The following DAZAP1 variants were observed in gnomAD, a reference collection of about 807,000 sequenced individuals.
The protein encoded by DAZAP1 is DAZ-associated protein 1.
DAZAP1 carries 6 observed loss-of-function variants against 60.1 expected under a neutral mutation model. The observed-to-expected ratio is 0.10, with a 90% CI of 0.05 to 0.20. DAZAP1 has a LOEUF of 0.20. Ranked by LOEUF, DAZAP1 falls within the 10% of genes least tolerant of loss-of-function variation. The probability of loss-of-function intolerance (pLI) is 1.00; values close to 1 mark genes in which losing one functional copy is unlikely to be tolerated. For synonymous variants in DAZAP1, 235 were observed against 215.9 expected, an observed-to-expected ratio of 1.09 and a Z score of -0.78; for missense variants, 366 against 560.4, an observed-to-expected ratio of 0.65 and a Z score of 3.50.
At position 1,433,007 on chromosome 19, in the gene DAZAP1, G is replaced by A. The variant is rs2083493186; in HGVS notation, c.1048+317G>A. The A allele has an allele frequency of 9.3e-6, 3 of 322,308 alleles. No homozygotes were observed. Among genetic ancestry groups the A allele is most frequent in the Non-Finnish European group, 1.7e-5 (3 of 173,714 alleles). The allele number at this position is 322,308 out of a possible 1,614,324, so 20.0% of individuals were successfully genotyped here. A position where few individuals can be genotyped will look rare whatever the true frequency, so the allele number is the denominator to read the frequency against. On this transcript the variant is annotated intron_variant, in intron 11 of 11. Transcript: ENST00000233078. The surrounding 1 kb of genome is among the most constrained non-coding windows in gnomAD (Gnocchi z 6.1). Reference sequence around the variant, plus strand: ...AGGCAGCTGTGATCACTGTCTAGAGGTTCAGGCCCTCGGTGTGGGTCCCGG... The same window carrying A: ...AGGCAGCTGTGATCACTGTCTAGAGATTCAGGCCCTCGGTGTGGGTCCCGG...
chr19:1,429,826 T>C lies in DAZAP1; in HGVS notation c.701-141T>C, dbSNP rs528799738. On this transcript the variant is annotated intron_variant, in intron 8 of 11. Transcript: ENST00000233078. ...TCTCTGCTCAGGGTTCAGAGGGCTC[T>C]GCCCTCAGGACGAACAGGCTCTAAG... The C allele has an allele frequency of 1.2e-5, 12 of 973,542 alleles. No homozygotes were observed. The African/African-American group carries it at 1.6e-4, about 13-fold the overall frequency. 60.3% of individuals were successfully genotyped at this position (973,542 alleles called of 1,614,324 possible).
At position 1,425,420 on chromosome 19, in the gene DAZAP1, C is replaced by T. The variant is rs544885086; in HGVS notation, c.464-458C>T. ...TAAGATGGCGCATTCCACGCGGGCC[C>T]CCGGCCTGCAGGGTTCACTGGCAAT... On this transcript the variant is annotated intron_variant, in intron 6 of 11. Transcript: ENST00000233078. This position sits in a 1 kb window ranked among gnomAD's most constrained non-coding sequence, Gnocchi z 5.4. Among the ~76,000 whole-genome samples, 3 of 152,340 alleles carry T rather than the reference C, an allele frequency of 2.0e-5. No individual in the cohort carries two copies. The highest frequency in any genetic ancestry group is 7.2e-5 in the African/African-American group (3 of 41,590).
At position 1,432,591 on chromosome 19, in the gene DAZAP1, G is replaced by C. The variant is rs1249902268; in HGVS notation, c.949G>C (p.Gly317Arg). ...PGVPPPPATP[G>R]AAPLAFPPPP... is the part of the protein sequence containing the mutation. ...GGTTCCTCCTCCACCAGCCACTCCC[G>C]GGGCAGCACCTCTGGCTTTCCCACC... Residue 317 changes from glycine to arginine, a missense_variant, in exon 11 of 12, where the codon GGG (glycine) becomes CGG (arginine). Coordinates refer to ENST00000233078, the MANE Select transcript of DAZAP1 (RefSeq NM_018959.4). The surrounding 1 kb of genome is among the most constrained non-coding windows in gnomAD (Gnocchi z 4.9). 1.2e-6 allele frequency: 2 copies of C among 1,613,566 alleles called. No homozygotes were observed. The highest frequency in any genetic ancestry group is 1.7e-5 in the Admixed American group (1 of 60,002).
At position 1,434,070 on chromosome 19, in the gene DAZAP1, G is replaced by T. The variant is rs776622220; in HGVS notation, c.1049-667G>T. On this transcript the variant is annotated intron_variant, in intron 11 of 11. Coordinates refer to ENST00000233078, the MANE Select transcript of DAZAP1 (RefSeq NM_018959.4). This position sits in a 1 kb window ranked among gnomAD's most constrained non-coding sequence, Gnocchi z 8.0. ...CCAGAGGTCGTGGGAGGGGCTTCCT[G>T]CAAGGTGTGCAGCGGGGTGGGGAGC... 24 of 559,464 alleles carry T rather than the reference G, an allele frequency of 4.3e-5. No homozygotes were observed. The highest frequency in any genetic ancestry group is 6.4e-5 in the Non-Finnish European group (20 of 311,702). 34.7% of individuals were successfully genotyped at this position (559,464 alleles called of 1,614,324 possible). A position where few individuals can be genotyped will look rare whatever the true frequency, so the allele number is the denominator to read the frequency against.
chr19:1,410,676 A>C (rs1032012874), intron 1 of DAZAP1, among the ~76,000 whole-genome samples: 2 of 152,202 alleles, frequency 1.3e-5, no homozygotes, highest in South Asian at 2.1e-4. Flanking sequence ...TGTCAGGGAT[A>C]GGGCCCATGC....
At chr19:1,407,939 T>G in intron 1 of DAZAP1, 137 bp downstream of exon 1, 2 of 786,726 alleles carry the variant, frequency 2.5e-6, no homozygotes, top group South Asian at 1.1e-4. Flanking sequence ...GGACCCGGAC[T>G]CGCCGCGGCT....
In DAZAP1 at chr19:1,432,699, T is replaced by G; in HGVS notation, c.1048+9T>G. Reference sequence around the variant, plus strand: ...CCCCTATGGTCAGTATGGTAAGTGGTCTCCTGCCATGCCGCGTCCCCGCTG... The same window carrying G: ...CCCCTATGGTCAGTATGGTAAGTGGGCTCCTGCCATGCCGCGTCCCCGCTG... On this transcript the variant is annotated intron_variant, in intron 11 of 11. Transcript: ENST00000233078. This position sits in a 1 kb window ranked among gnomAD's most constrained non-coding sequence, Gnocchi z 4.9. The G allele has an allele frequency of 6.3e-7, 1 of 1,581,496 alleles. No homozygotes were observed. Among genetic ancestry groups the G allele is most frequent in the Non-Finnish European group, 8.6e-7 (1 of 1,161,256 alleles).
intron 1 of DAZAP1, among the ~76,000 whole-genome samples, chr19:1,413,215 C>T (rs781730403): frequency 2.0e-5 from 3 of 152,230 alleles, no homozygotes; most frequent in African/African-American, 7.2e-5. Flanking sequence ...AGCAAGCCCA[C>T]GAGAGCCAGC....
intron 1 of DAZAP1, among the ~76,000 whole-genome samples, chr19:1,415,389 GTTT>G (rs111300304): frequency 3.4e-4 from 44 of 127,564 alleles, no homozygotes; most frequent in African/African-American, 2.1e-4. Flanking sequence ...GTGTGTGTGT[GTTT>G]TGTTTTTTTT....
chr19:1,412,185 A>AC (rs1342003229), intron 1 of DAZAP1, among the ~76,000 whole-genome samples: 4 of 151,774 alleles, frequency 2.6e-5, no homozygotes, highest in African/African-American at 4.8e-5. Context: ...TGTTCTGTGG[A>AC]CCCCACACCC....
rs987090338 is a variant in DAZAP1 at position 1,413,703 on chromosome 19, G to A, written c.30-3797G>A. On this transcript the variant is annotated intron_variant, in intron 1 of 11. Transcript: ENST00000233078. ...TGTCATCCTAGCACTTTGGGAGGCC[G>A]AGGCGGGCGGGTCACCTGCGGTGGG... Among the ~76,000 whole-genome samples, 6 of 152,218 alleles carry A rather than the reference G, an allele frequency of 3.9e-5. No homozygotes were observed. The South Asian group carries it at 8.3e-4, about 21-fold the overall frequency.
At chr19:1,407,826 G>T in intron 1 of DAZAP1, 24 bp downstream of exon 1, 1 of 1,067,606 alleles carries the variant, frequency 9.4e-7, no homozygotes, top group Non-Finnish European at 1.1e-6. Context: ...GCGCGGGCCT[G>T]CGTCTCCGCC....
At chr19:1,415,580 C>T (rs2082958764) in intron 1 of DAZAP1, among the ~76,000 whole-genome samples, 1 of 151,266 alleles carries the variant, frequency 6.6e-6, no homozygotes, top group Non-Finnish European at 1.5e-5. Flanking sequence ...CCTGACTCAG[C>T]GCGGGCACAG....
At chr19:1,410,774 C>T (rs888735767) in intron 1 of DAZAP1, among the ~76,000 whole-genome samples, 26 of 152,326 alleles carry the variant, frequency 1.7e-4, no homozygotes, top group African/African-American at 4.6e-4. Flanking sequence ...AGGCAGCACA[C>T]GGTCATGGAA....
chr19:1,417,439 A>ATGG (rs2083019475), intron 1 of DAZAP1, 61 bp from the exon 2 acceptor site: 11 of 1,553,790 alleles, frequency 7.1e-6, no homozygotes, highest in Non-Finnish European at 9.6e-6. Flanking sequence ...CTTGGCTTGG[A>ATGG]TGGGGGCATT....
chr19:1,420,635 C>G (rs2083129899), intron 4 of DAZAP1, among the ~76,000 whole-genome samples: 1 of 152,156 alleles, frequency 6.6e-6, no homozygotes, highest in Admixed American at 6.5e-5. Context: ...AGCAGGCGCC[C>G]TTGCCAGTGG....
At chr19:1,421,982 G>A (rs1669443556) in intron 5 of DAZAP1, among the ~76,000 whole-genome samples, 1 of 152,228 alleles carries the variant, frequency 6.6e-6, no homozygotes, top group Admixed American at 6.5e-5. Flanking sequence ...CCCGCGTTTG[G>A]GTGGGAAGGG....
At chr19:1,424,717 C>T (rs868204888) in intron 6 of DAZAP1, among the ~76,000 whole-genome samples, 1 of 152,164 alleles carries the variant, frequency 6.6e-6, no homozygotes, top group Non-Finnish European at 1.5e-5. Context: ...TGCCTTGTCA[C>T]GCACCCTGTG....
In DAZAP1 at chr19:1,430,232, A is replaced by T. The variant is rs1210090343; in HGVS notation, c.741A>T (p.Gly247=). 2 of 1,575,404 alleles carry T rather than the reference A, an allele frequency of 1.3e-6. No individual in the cohort carries two copies. Among genetic ancestry groups the T allele is most frequent in the Non-Finnish European group, 1.7e-6 (2 of 1,161,176 alleles). The change falls in exon 10 of 12, where the codon GGA becomes GGT. Residue 247 remains glycine, a synonymous_variant. Coordinates refer to ENST00000233078, the MANE Select transcript of DAZAP1 (RefSeq NM_018959.4). ...VPAGQAIGGY[G]PPPAGRGAPP... ...TACTGTGTGTTTCAGGTGGCTATGG[A>T]CCGCCCCCTGCAGGAAGAGGAGCCC...
Sources: gnomAD v4.1 joint callset for allele counts (sites outside exome capture counted in the v4.1 genomes callset) on GRCh38, gnomAD v4.1.1 for gene constraint, Gnocchi (gnomAD v3.1) non-coding constraint, MANE v1.5 for transcripts, NCBI Gene and HGNC (gene_info 2026-07-23, HGNC 2026-07-21) for gene names.